Variants in LYPLAL1 observed in about 807,000 individuals in gnomAD.
The protein encoded by LYPLAL1 is lysophospholipase like 1.
In LYPLAL1, 23 loss-of-function variants were observed where a neutral mutation model predicts 19.7. The observed-to-expected ratio is 1.17, with a 90% CI of 0.84 to 1.65. The LOEUF (loss-of-function observed/expected upper bound fraction) is 1.65. Among genes scored for constraint, LYPLAL1 ranks in the 40% most tolerant of loss-of-function variants. The pLI is 0.00. For missense variants in LYPLAL1, 355 were observed against 279.4 expected (o/e 1.27, Z -1.93); for synonymous variants, 119 against 96.3 (o/e 1.24, Z -1.38).
chr1:219,376,037 G>A, the LYPLAL1 span, among the ~76,000 whole-genome samples: 1 of 151,892 alleles, frequency 6.6e-6, no homozygotes. Flanking sequence ...CACTGCACCT[G>A]GCCTATGCTT....
chr1:219,282,005 G>A, the LYPLAL1 span, among the ~76,000 whole-genome samples: 353 of 152,202 alleles, frequency 2.3e-3, 1 homozygote, highest in African/African-American at 7.9e-3. Context: ...GACATTAGAG[G>A]AAAATGTGCA....
At chr1:219,190,837 A>T (rs1010438610) in intron 2 of LYPLAL1, among the ~76,000 whole-genome samples, 2 of 151,614 alleles carry the variant, frequency 1.3e-5, no homozygotes, top group African/African-American at 4.8e-5. Flanking sequence ...GTTTTAGAAC[A>T]GGCAAAAGAA....
the LYPLAL1 span, among the ~76,000 whole-genome samples, chr1:219,423,032 C>G: frequency 6.6e-6 from 1 of 152,106 alleles, no homozygotes; most frequent in Non-Finnish European, 1.5e-5. Flanking sequence ...AGCAGGAAAA[C>G]CCCTGACCAT....
the LYPLAL1 span, among the ~76,000 whole-genome samples, chr1:219,297,877 C>T: frequency 6.6e-6 from 1 of 152,174 alleles, no homozygotes; most frequent in Admixed American, 6.5e-5. Flanking sequence ...CATTCAAACA[C>T]TGAGCTGCAT....
chr1:219,174,711 C>G (rs1280996466), intron 1 of LYPLAL1, among the ~76,000 whole-genome samples: 2 of 152,216 alleles, frequency 1.3e-5, no homozygotes, highest in Admixed American at 6.5e-5. Context: ...GAACTTCCCA[C>G]TGGATTATGA....
At chr1:219,256,398 C>A in the LYPLAL1 span, among the ~76,000 whole-genome samples, 1 of 151,590 alleles carries the variant, frequency 6.6e-6, no homozygotes, top group Non-Finnish European at 1.5e-5. Flanking sequence ...TAATAATGAT[C>A]CCTTTTTCCA....
chr1:219,381,892 T>G, the LYPLAL1 span, among the ~76,000 whole-genome samples: 3 of 152,220 alleles, frequency 2.0e-5, no homozygotes, highest in Non-Finnish European at 4.4e-5. Flanking sequence ...CGAGCTATGG[T>G]ACAGGAAATC....
the LYPLAL1 span, among the ~76,000 whole-genome samples, chr1:219,385,374 G>A: frequency 5.9e-4 from 90 of 152,156 alleles, no homozygotes; most frequent in Middle Eastern, 0.01. Flanking sequence ...TCAAAAAATT[G>A]TTCAAAAGTT....
chr1:219,300,190 C>T, the LYPLAL1 span, among the ~76,000 whole-genome samples: 1 of 152,134 alleles, frequency 6.6e-6, no homozygotes, highest in Middle Eastern at 3.4e-3. Flanking sequence ...ATCTATGTTC[C>T]CCAGGCTGGT....
chr1:219,374,344 G>A, the LYPLAL1 span, among the ~76,000 whole-genome samples: 3 of 151,952 alleles, frequency 2.0e-5, no homozygotes, highest in Non-Finnish European at 2.9e-5. Flanking sequence ...GTGGGTGAGC[G>A]TTTCTGATGA....
chr1:219,233,067 T>C, the LYPLAL1 span, among the ~76,000 whole-genome samples: 111,109 of 152,082 alleles, frequency 0.73, 41,392 homozygotes, highest in East Asian at 0.93. Context: ...AGGGTACACC[T>C]ATATTCACAG....
the LYPLAL1 span, chr1:219,411,997 G>A: frequency 6.6e-6 from 1 of 152,608 alleles, no homozygotes; most frequent in Non-Finnish European, 1.5e-5. Flanking sequence ...ATGTGCTTAG[G>A]AGAAGTATTG....
the LYPLAL1 span, among the ~76,000 whole-genome samples, chr1:219,275,353 G>C: frequency 2.0e-5 from 3 of 152,152 alleles, no homozygotes; most frequent in East Asian, 5.8e-4. Flanking sequence ...CAAGTTCCTG[G>C]AGAGCAATGT....
At chr1:219,358,383 A>G in the LYPLAL1 span, among the ~76,000 whole-genome samples, 1 of 152,220 alleles carries the variant, frequency 6.6e-6, no homozygotes, top group Admixed American at 6.5e-5. Context: ...ATCCTAGTTA[A>G]TTCTGAAACG....
At chr1:219,313,683 C>T in the LYPLAL1 span, among the ~76,000 whole-genome samples, 1 of 151,968 alleles carries the variant, frequency 6.6e-6, no homozygotes, top group Non-Finnish European at 1.5e-5. Context: ...TACAGATGCC[C>T]ACCACCACAC....
At chr1:219,373,879 A>C in the LYPLAL1 span, among the ~76,000 whole-genome samples, 1 of 12,690 alleles carries the variant, frequency 7.9e-5, no homozygotes, top group African/African-American at 2.0e-4. Context: ...AAAAAAAAAA[A>C]AACAAAAAAA....
chr1:219,397,569 G>C, the LYPLAL1 span, among the ~76,000 whole-genome samples: 31,139 of 152,062 alleles, frequency 0.2, 3,397 homozygotes, highest in East Asian at 0.28. Flanking sequence ...GGTTAGTATT[G>C]ATATGTGTGG....
chr1:219,370,861 A>G, the LYPLAL1 span, among the ~76,000 whole-genome samples: 1 of 152,292 alleles, frequency 6.6e-6, no homozygotes, highest in East Asian at 1.9e-4. Context: ...TTAGCTTTTC[A>G]TACACGCACT....
At chr1:219,187,892 G>GT (rs1454768808) in intron 2 of LYPLAL1, among the ~76,000 whole-genome samples, 1 of 151,630 alleles carries the variant, frequency 6.6e-6, no homozygotes, top group Admixed American at 6.6e-5. Flanking sequence ...TACTTCTTTG[G>GT]TAAGTATTAG....
Sources: allele counts gnomAD v4.1 joint callset (sites outside exome capture counted in the v4.1 genomes callset), GRCh38; gene constraint gnomAD v4.1.1; transcripts MANE v1.5; gene names NCBI Gene and HGNC (gene_info 2026-07-23, HGNC 2026-07-21).